MYO7B: variants seen among roughly 807,000 people sequenced by gnomAD.
MYO7B encodes myosin VIIB.
Under a neutral mutation model 259.7 loss-of-function variants are expected in MYO7B, and 212 were observed. The observed-to-expected ratio is 0.82, with a 90% CI of 0.73 to 0.91. The LOEUF is 0.91. MYO7B is among the 40% of genes least tolerant of loss of function. The pLI is 0.00. For missense variants in MYO7B, 2,732 were observed against 2,813.5 expected (o/e 0.97, Z 0.66); for synonymous variants, 1,197 against 1,166.4 (o/e 1.03, Z -0.54).
At chr2:127,588,732 AGTGGGTGG>A (rs1679403581) in intron 15 of MYO7B, among the ~76,000 whole-genome samples, 177 bp downstream of exon 15, 1 of 116,182 alleles carries the variant, frequency 8.6e-6, no homozygotes, top group African/African-American at 3.2e-5. Flanking sequence ...TAGATGGGTG[AGTGGGTGG>A]ATGGGTAGTG....
Position 127,578,288 on chromosome 2 carries a change from T to G in MYO7B, c.1003+2T>G. ...ACCTGGGGAATGTGGGGTTCATGGG[T>G]AATGCCGGTTCTGCCCCAACTGCAC... On this transcript the variant is annotated splice_donor_variant, in intron 9 of 47. Coordinates refer to ENST00000409816, the MANE Select transcript of MYO7B (RefSeq NM_001393586.1). LOFTEE classifies it high-confidence loss of function. 6.2e-7 allele frequency: 1 copy of G among 1,612,938 alleles called. No individual in the cohort carries two copies. The highest frequency in any genetic ancestry group is 8.5e-7 in the Non-Finnish European group (1 of 1,179,678).
In MYO7B at chr2:127,584,971, C is replaced by T. The variant is rs949331187; in HGVS notation, c.1690+58C>T. The T allele has an allele frequency of 1.9e-6, 3 of 1,600,524 alleles. No homozygotes were observed. Among genetic ancestry groups the T allele is most frequent in the Non-Finnish European group, 2.6e-6 (3 of 1,171,718 alleles). ...AATCTGGACCGGGTTCCAGGGAGAC[C>T]GTGGAAAGCAGGCTCAGAGGATGAG... is the stretch of plus-strand genomic sequence containing the variant. On this transcript the variant is annotated intron_variant, in intron 14 of 47. Transcript: ENST00000409816. The surrounding 1 kb of genome is among the most constrained non-coding windows in gnomAD (Gnocchi z 5.8).
Position 127,628,974 on chromosome 2 carries a change from G to C in MYO7B, c.4624+439G>C, listed in dbSNP as rs978579512. Reference sequence around the variant, plus strand: ...TCAAGGGGGTGGGAGCCTAGTTCTTGGCCACAGCTCTCCCACAAGCCAGCA... The same window carrying C: ...TCAAGGGGGTGGGAGCCTAGTTCTTCGCCACAGCTCTCCCACAAGCCAGCA... On this transcript the variant is annotated intron_variant, in intron 34 of 47. Coordinates refer to ENST00000409816, the MANE Select transcript of MYO7B (RefSeq NM_001393586.1). This position sits in a 1 kb window ranked among gnomAD's most constrained non-coding sequence, Gnocchi z 4.8. Among the ~76,000 whole-genome samples the C allele has an allele frequency of 2.6e-5, 4 of 152,224 alleles. No individual in the cohort carries two copies. Among genetic ancestry groups the C allele is most frequent in the African/African-American group, 9.6e-5 (4 of 41,464 alleles).
chr2:127,541,388 C>G (rs1157139326), intron 1 of MYO7B, among the ~76,000 whole-genome samples: 1 of 152,236 alleles, frequency 6.6e-6, no homozygotes, highest in Non-Finnish European at 1.5e-5. Flanking sequence ...TTAGGATGAA[C>G]TGCCTCTGAA....
At chr2:127,573,011 T>G (rs1678711913) in intron 6 of MYO7B, among the ~76,000 whole-genome samples, 1 of 152,034 alleles carries the variant, frequency 6.6e-6, no homozygotes, top group Non-Finnish European at 1.5e-5. Context: ...ATGGCCACAC[T>G]GGGTTCAATA....
At chr2:127,540,224 C>A (rs1692951412) in intron 1 of MYO7B, among the ~76,000 whole-genome samples, 1 of 150,848 alleles carries the variant, frequency 6.6e-6, no homozygotes, top group African/African-American at 2.4e-5. Flanking sequence ...AGTGCAATGG[C>A]GTGATCTCGG....
intron 18 of MYO7B, among the ~76,000 whole-genome samples, chr2:127,594,376 C>G (rs1410693952): frequency 6.6e-6 from 1 of 152,244 alleles, no homozygotes; most frequent in Non-Finnish European, 1.5e-5. Context: ...TCCCACCCAT[C>G]CCTGCTGCCC....
chr2:127,580,496 C>T (rs894101292), intron 9 of MYO7B, among the ~76,000 whole-genome samples: 5 of 152,234 alleles, frequency 3.3e-5, no homozygotes, highest in Admixed American at 2.0e-4. Flanking sequence ...AACTTCCCTT[C>T]GACCCAGGGC....
chr2:127,552,435 G>T (rs1309554582), intron 1 of MYO7B, among the ~76,000 whole-genome samples: 2 of 152,128 alleles, frequency 1.3e-5, no homozygotes, highest in South Asian at 4.1e-4. Context: ...GGTCCAGGGC[G>T]TGTTGTGGTG....
chr2:127,581,239 AGT>A (rs1474345158), intron 10 of MYO7B, among the ~76,000 whole-genome samples: 1 of 152,098 alleles, frequency 6.6e-6, no homozygotes, highest in Non-Finnish European at 1.5e-5. Context: ...GGAATGTGCC[AGT>A]GAGTCTGGGG....
Position 127,566,905 on chromosome 2 carries a change from G to A in MYO7B, c.470+78G>A, listed in dbSNP as rs373966846. ...CACCAGCATGCCTGCAAGATCAGGCGAGATGAGAGCTCTCCCTACTCCATG... is the reference window on the plus strand; with the variant it reads ...CACCAGCATGCCTGCAAGATCAGGCAAGATGAGAGCTCTCCCTACTCCATG... On this transcript the variant is annotated intron_variant, in intron 5 of 47. Transcript: ENST00000409816. 2.5e-5 allele frequency: 36 copies of A among 1,450,340 alleles called. No individual in the cohort carries two copies. The East Asian group carries it at 4.4e-4, about 18-fold the overall frequency. The allele number at this position is 1,450,340 out of a possible 1,614,324, so 89.8% of individuals were successfully genotyped here. A position where few individuals can be genotyped will look rare whatever the true frequency, so the allele number is the denominator to read the frequency against.
chr2:127,591,536 ATGT>A (rs1033275867), intron 16 of MYO7B, among the ~76,000 whole-genome samples: 8 of 152,228 alleles, frequency 5.3e-5, no homozygotes, highest in African/African-American at 1.9e-4. Flanking sequence ...CCAGGTAGGA[ATGT>A]TGTAAAGATT....
chr2:127,551,689 G>A (rs116647586), intron 1 of MYO7B, among the ~76,000 whole-genome samples: 3,115 of 152,334 alleles, frequency 0.02, 103 homozygotes, highest in African/African-American at 0.067. Context: ...GGAAGGATTC[G>A]TGTGGGCTGT....
chr2:127,612,494 A>G lies in MYO7B; in HGVS notation c.3289A>G (p.Ile1097Val), dbSNP rs763362384. The G allele has an allele frequency of 1.9e-5, 29 of 1,556,612 alleles. 1 individual carries two copies. The South Asian group carries it at 3.3e-4, about 18-fold the overall frequency. ...ITGQVASQLN[I>V]GEEALEPDGL... ...TTTCAAGGTGGCCAGCCAGCTGAAC[A>G]TTGGAGAGGAGGCATTGGAGCCTGA... The change falls in exon 26 of 48, where the codon ATT (isoleucine) becomes GTT (valine). Residue 1097 changes from isoleucine (I) to valine (V), a missense_variant. By Grantham distance (29) the Ile-to-Val change is conservative. Coordinates refer to ENST00000409816, the MANE Select transcript of MYO7B (RefSeq NM_001393586.1).
chr2:127,544,129 T>C (rs900457454), intron 1 of MYO7B, among the ~76,000 whole-genome samples: 1 of 152,138 alleles, frequency 6.6e-6, no homozygotes, highest in South Asian at 2.1e-4. Context: ...CAGGCTGAAG[T>C]GCAGTGATGC....
rs756017010 is a variant in MYO7B at position 127,607,278 on chromosome 2, C to A, written c.2497C>A (p.Arg833=). The A allele has an allele frequency of 6.4e-7, 1 of 1,551,250 alleles. No homozygotes were observed. ...QPLARQYQAM[R]QRTVQLQALC... ...GCTGGCGAGGCAGTACCAGGCCATG[C>A]GGCAGAGGACAGTCCAGCTGCAGGC... is the stretch of plus-strand genomic sequence containing the variant. Residue 833 remains arginine (R), a synonymous_variant, in exon 21 of 48, where the codon CGG becomes AGG. Coordinates refer to ENST00000409816, the MANE Select transcript of MYO7B (RefSeq NM_001393586.1). The surrounding 1 kb of genome is among the most constrained non-coding windows in gnomAD (Gnocchi z 4.4).
At chr2:127,623,396 C>T in intron 29 of MYO7B, 21 bp downstream of exon 29, 16 of 1,539,474 alleles carry the variant, frequency 1.0e-5, no homozygotes, top group Non-Finnish European at 1.4e-5. Flanking sequence ...GGCACCCTGC[C>T]CGTCAGCCGC....
Position 127,630,916 on chromosome 2 carries a change from C to A in MYO7B, c.4937+8C>A. The stretch of plus-strand genomic sequence containing the variant: ...CTCCTATGAGTTCTTCAGGTGCCCC[C>A]CAGCCCCGCTCCGCCTCATTGCACC... On this transcript the variant is annotated splice_region_variant and intron_variant, in intron 36 of 47. Coordinates refer to ENST00000409816, the MANE Select transcript of MYO7B (RefSeq NM_001393586.1). The A allele has an allele frequency of 6.4e-7, 1 of 1,560,084 alleles. No individual in the cohort carries two copies. The highest frequency in any genetic ancestry group is 2.4e-5 in the East Asian group (1 of 41,692).
In MYO7B at chr2:127,596,560, C is replaced by T. The variant is rs141776312; in HGVS notation, c.2339+4C>T. 1.6e-3 allele frequency: 2,501 copies of T among 1,606,784 alleles called. 33 individuals carry two copies. The African/African-American group carries it at 0.029, about 18-fold the overall frequency. On this transcript the variant is annotated splice_donor_region_variant and intron_variant, in intron 19 of 47. Coordinates refer to ENST00000409816, the MANE Select transcript of MYO7B (RefSeq NM_001393586.1). ...TCCTTCGGGGCTACAGATACAGGTG[C>T]CGGCCCCACCCCAAGGCCCACCCAG...
Sources: gnomAD v4.1 joint callset for allele counts (sites outside exome capture counted in the v4.1 genomes callset) on GRCh38, gnomAD v4.1.1 for gene constraint, Gnocchi (gnomAD v3.1) non-coding constraint, MANE v1.5 for transcripts, NCBI Gene and HGNC (gene_info 2026-07-23, HGNC 2026-07-21) for gene names.